Variants in IRAG1 observed in about 807,000 individuals in gnomAD.
IRAG1 encodes the protein IP3R-associated cGMP kinase substrate.
In IRAG1, 62 loss-of-function variants were observed where a neutral mutation model predicts 106.2. The observed-to-expected ratio is 0.58, with a 90% CI of 0.48 to 0.72. The LOEUF (loss-of-function observed/expected upper bound fraction) is 0.72. Ranked by LOEUF, IRAG1 falls within the 30% of genes least tolerant of loss-of-function variation. The probability of loss-of-function intolerance (pLI) is 0.00; values close to 1 mark genes in which losing one functional copy is unlikely to be tolerated. For missense variants in IRAG1, 1,064 were observed against 1,140.7 expected, an observed-to-expected ratio of 0.93 and a Z score of 0.97; for synonymous variants, 462 against 443.9, an observed-to-expected ratio of 1.04 and a Z score of -0.51.
At chr11:10,613,936 C>T (rs187884153) in intron 10 of IRAG1, among the ~76,000 whole-genome samples, 2 of 152,298 alleles carry the variant, frequency 1.3e-5, no homozygotes, top group East Asian at 3.9e-4. Context: ...AATCCAGAAC[C>T]CACACCTGTA....
intron 10 of IRAG1, among the ~76,000 whole-genome samples, chr11:10,611,338 CT>C (rs1854943473): frequency 6.6e-6 from 1 of 152,180 alleles, no homozygotes; most frequent in African/African-American, 2.4e-5. Flanking sequence ...TGTGTCACCC[CT>C]GGCATCATTC....
intron 15 of IRAG1, among the ~76,000 whole-genome samples, chr11:10,595,523 C>A (rs922353823): frequency 1.3e-5 from 2 of 152,104 alleles, no homozygotes; most frequent in African/African-American, 4.8e-5. Context: ...AATAATAACC[C>A]TCCCTCTTAA....
chr11:10,594,091 G>A, intron 16 of IRAG1, 55 bp downstream of exon 16: 1 of 1,493,846 alleles, frequency 6.7e-7, no homozygotes, highest in Non-Finnish European at 9.2e-7. Context: ...GGGTGACCAT[G>A]GAAACTTCTG....
At position 10,627,963 on chromosome 11, in the gene IRAG1, G is replaced by T. The variant is rs775651267; in HGVS notation, c.705+10C>A. 2 of 1,601,688 alleles carry T rather than the reference G, an allele frequency of 1.2e-6. No individual in the cohort carries two copies. The highest frequency in any genetic ancestry group is 8.5e-7 in the Non-Finnish European group (1 of 1,172,138). On this transcript the variant is annotated intron_variant, in intron 7 of 20. Coordinates refer to ENST00000423302, the MANE Select transcript of IRAG1 (RefSeq NM_130385.4). ...ATAGAAACAGCACAGCAGGTGGGGG[G>T]TCCTGTCACCTGTGGTGGTGCTCCA... is the stretch of plus-strand genomic sequence containing the variant.
rs76323277 is a variant in IRAG1 at position 10,675,791 on chromosome 11, C to T, written c.67+17745G>A. 3.1e-3 allele frequency among the ~76,000 whole-genome samples: 466 copies of T among 152,322 alleles called. 5 individuals carry two copies. The highest frequency in any genetic ancestry group is 0.011 in the African/African-American group (437 of 41,562). On this transcript the variant is annotated intron_variant, in intron 1 of 20. Coordinates refer to ENST00000423302, the MANE Select transcript of IRAG1 (RefSeq NM_130385.4). ...CTTATTCAGCGCCTTCCTAAGAGTG[C>T]TGCGGTCTTTACTAAGTTTGTCTGC... is the stretch of plus-strand genomic sequence containing the variant.
intron 9 of IRAG1, 46 bp from the exon 10 acceptor site, chr11:10,623,902 G>A (rs769348652): frequency 1.3e-6 from 2 of 1,552,018 alleles, no homozygotes; most frequent in Admixed American, 3.3e-5. Context: ...GATGACACTG[G>A]GCTGGGCTGT....
intron 15 of IRAG1, 122 bp from the exon 16 acceptor site, chr11:10,594,317 G>A: frequency 1.1e-6 from 1 of 887,354 alleles, no homozygotes; most frequent in Non-Finnish European, 1.7e-6. Flanking sequence ...TAGCCCAAGG[G>A]TCTGGGTGTT....
At chr11:10,582,050 C>G in intron 18 of IRAG1, 64 bp from the exon 19 acceptor site, 3 of 1,542,188 alleles carry the variant, frequency 1.9e-6, no homozygotes, top group Non-Finnish European at 2.6e-6. Flanking sequence ...AAAACAAAAC[C>G]ATGTTTTTGG....
At chr11:10,606,879 T>C (rs1854520847) in intron 11 of IRAG1, 107 bp from the exon 12 acceptor site, 3 of 1,050,092 alleles carry the variant, frequency 2.9e-6, no homozygotes, top group Non-Finnish European at 4.0e-6. Context: ...TGGAGTAAGC[T>C]GTGTTGGTGA....
At chr11:10,680,344 G>GGAAA (rs750310566) in intron 1 of IRAG1, among the ~76,000 whole-genome samples, 3,115 of 67,280 alleles carry the variant, frequency 0.046, 110 homozygotes, top group Admixed American at 0.074. Context: ...AAGGAAGGAA[G>GGAAA]GAAAGAAAGA....
At chr11:10,600,393 C>T (rs914982171) in intron 15 of IRAG1, among the ~76,000 whole-genome samples, 2 of 152,220 alleles carry the variant, frequency 1.3e-5, no homozygotes, top group Non-Finnish European at 2.9e-5. Context: ...GTTGCAAGAA[C>T]ATCTTCATGG....
rs973849443 is a variant in IRAG1, at chr11:10,657,064, G to A, written c.68-4882C>T. On this transcript the variant is annotated intron_variant, in intron 1 of 20. Transcript: ENST00000423302. The surrounding 1 kb of genome is among the most constrained non-coding windows in gnomAD (Gnocchi z 4.1). The stretch of plus-strand genomic sequence containing the variant: ...GCAGCAGGTGGAGGACGCGGAGGCC[G>A]GCCCTGCCTTGTAGGCTTCAAAGGC... Among the ~76,000 whole-genome samples the A allele has an allele frequency of 5.9e-5, 9 of 152,142 alleles. No individual in the cohort carries two copies. Among genetic ancestry groups the A allele is most frequent in the African/African-American group, 1.7e-4 (7 of 41,418 alleles).
In IRAG1 at chr11:10,579,544, T is replaced by C. The variant is rs1363697699; in HGVS notation, c.2495+911A>G. Among the ~76,000 whole-genome samples, 6 of 152,172 alleles carry C rather than the reference T, an allele frequency of 3.9e-5. No individual in the cohort carries two copies. In the East Asian group the frequency reaches 7.7e-4, roughly 20 times the overall value. ...TTTAACTATACTAATAGAGACAACA[T>C]AGCTGAATATATGAAATTGGGCTGT... is the stretch of plus-strand genomic sequence containing the variant. On this transcript the variant is annotated intron_variant, in intron 20 of 20. Coordinates refer to ENST00000423302, the MANE Select transcript of IRAG1 (RefSeq NM_130385.4).
At chr11:10,588,409 G>A (rs1852267305) in intron 18 of IRAG1, among the ~76,000 whole-genome samples, 1 of 152,144 alleles carries the variant, frequency 6.6e-6, no homozygotes, top group Admixed American at 6.5e-5. Context: ...CAGTGCAGTG[G>A]TGCAATCTCA....
intron 9 of IRAG1, 64 bp from the exon 10 acceptor site, chr11:10,623,920 G>C: frequency 6.8e-7 from 1 of 1,478,114 alleles, no homozygotes; most frequent in Non-Finnish European, 9.4e-7. Flanking sequence ...TGTTCTCTTG[G>C]CTCTGTCTAT....
At chr11:10,603,290 A>T (rs1257609952) in intron 13 of IRAG1, 39 bp from the exon 14 acceptor site, 2 of 1,607,582 alleles carry the variant, frequency 1.2e-6, no homozygotes, top group African/African-American at 1.3e-5. Flanking sequence ...GTCCTCAAAT[A>T]ATGTTATGGA....
chr11:10,648,673 T>G (rs1858177500), intron 2 of IRAG1, among the ~76,000 whole-genome samples: 1 of 152,184 alleles, frequency 6.6e-6, no homozygotes, highest in African/African-American at 2.4e-5. Context: ...CAAGGGCCAA[T>G]GCAGAAAACC....
chr11:10,641,456 C>T (rs2134764369), intron 2 of IRAG1, among the ~76,000 whole-genome samples: 1 of 152,298 alleles, frequency 6.6e-6, no homozygotes, highest in Admixed American at 6.5e-5. Flanking sequence ...GATCAAGGAC[C>T]CACCACCAAG....
At chr11:10,613,545 T>A (rs1391984131) in intron 10 of IRAG1, among the ~76,000 whole-genome samples, 1 of 152,182 alleles carries the variant, frequency 6.6e-6, no homozygotes, top group Non-Finnish European at 1.5e-5. Flanking sequence ...ATAAATCGAA[T>A]AAATTTGGGA....
Sources: allele counts gnomAD v4.1 joint callset (sites outside exome capture counted in the v4.1 genomes callset), GRCh38; gene constraint gnomAD v4.1.1; non-coding constraint Gnocchi (gnomAD v3.1); transcripts MANE v1.5; gene names NCBI Gene and HGNC (gene_info 2026-07-23, HGNC 2026-07-21).